KCNQ5: variants seen among roughly 807,000 people sequenced by gnomAD.
The protein encoded by KCNQ5 is potassium voltage-gated channel subfamily Q member 5, also known as potassium voltage-gated channel subfamily KQT member 5.
A neutral mutation model predicts 98.2 loss-of-function variants in KCNQ5; 30 were observed. The ratio of observed to expected loss-of-function variants is 0.31; its 90% CI spans 0.23 to 0.41. The LOEUF is 0.41. KCNQ5 is among the 10% of genes least tolerant of loss of function. The probability of loss-of-function intolerance (pLI) is 1.00; values close to 1 mark genes in which losing one functional copy is unlikely to be tolerated. For missense variants in KCNQ5, 835 were observed against 1,182.5 expected (o/e 0.71, Z 4.31); for synonymous variants, 458 against 449.4 (o/e 1.02, Z -0.24).
At chr6:73,047,348 T>A (rs1170181605) in intron 3 of KCNQ5, among the ~76,000 whole-genome samples, 5 of 152,252 alleles carry the variant, frequency 3.3e-5, no homozygotes, top group Non-Finnish European at 7.3e-5. Context: ...CTTACTTACC[T>A]GTATCAAACT....
chr6:73,038,683 A>G (rs1377610922), intron 2 of KCNQ5, among the ~76,000 whole-genome samples: 1 of 152,050 alleles, frequency 6.6e-6, no homozygotes, highest in Non-Finnish European at 1.5e-5. Context: ...CCATTGAGCT[A>G]GCCTTGCATA....
intron 1 of KCNQ5, among the ~76,000 whole-genome samples, chr6:72,982,226 C>T (rs752295218): frequency 6.6e-6 from 1 of 152,120 alleles, no homozygotes; most frequent in Non-Finnish European, 1.5e-5. Flanking sequence ...CCTTCTGTCT[C>T]GTTATCTGTC....
intron 1 of KCNQ5, among the ~76,000 whole-genome samples, chr6:72,886,640 C>T (rs957061400): frequency 1.3e-5 from 2 of 152,090 alleles, no homozygotes; most frequent in Non-Finnish European, 2.9e-5. Context: ...TATAGACAAA[C>T]TGTAGAACAC....
intron 5 of KCNQ5, among the ~76,000 whole-genome samples, chr6:73,085,343 A>G (rs891789764): frequency 1.6e-4 from 25 of 152,248 alleles, no homozygotes; most frequent in East Asian, 5.8e-4. Flanking sequence ...CCAGGCAAAA[A>G]ACGAGGGAAA....
intron 7 of KCNQ5, among the ~76,000 whole-genome samples, chr6:73,112,038 A>G (rs573338624): frequency 1.3e-5 from 2 of 152,308 alleles, no homozygotes; most frequent in African/African-American, 2.4e-5. Flanking sequence ...CTAACTCAGG[A>G]TTAGCTTCAG....
intron 2 of KCNQ5, among the ~76,000 whole-genome samples, chr6:73,037,321 T>C (rs1158722530): frequency 6.6e-6 from 1 of 152,176 alleles, no homozygotes; most frequent in Non-Finnish European, 1.5e-5. Context: ...ATGGCTTGTC[T>C]TTTCATCCTT....
At chr6:72,624,498 G>C (rs1169671854) in intron 1 of KCNQ5, among the ~76,000 whole-genome samples, 1 of 152,166 alleles carries the variant, frequency 6.6e-6, no homozygotes, top group Non-Finnish European at 1.5e-5. Flanking sequence ...ACATGAATGA[G>C]AACTTGCAAC....
intron 1 of KCNQ5, among the ~76,000 whole-genome samples, chr6:72,623,151 C>G (rs2154471280): frequency 6.6e-6 from 1 of 152,270 alleles, no homozygotes; most frequent in South Asian, 2.1e-4. Flanking sequence ...ACCCAGCCAC[C>G]ACCAACGGAA....
intron 1 of KCNQ5, among the ~76,000 whole-genome samples, chr6:72,827,670 T>G (rs1236575899): frequency 3.9e-5 from 6 of 152,158 alleles, no homozygotes; most frequent in African/African-American, 1.4e-4. Context: ...TTTCTTCCAT[T>G]CTATAAGTTG....
intron 1 of KCNQ5, among the ~76,000 whole-genome samples, chr6:72,972,233 A>C (rs1256491698): frequency 6.6e-6 from 1 of 152,208 alleles, no homozygotes; most frequent in Non-Finnish European, 1.5e-5. Flanking sequence ...CCCTTTCAGA[A>C]ATCTAATATG....
chr6:72,793,546 TA>T (rs1187902021), intron 1 of KCNQ5, among the ~76,000 whole-genome samples: 1 of 152,222 alleles, frequency 6.6e-6, no homozygotes, highest in East Asian at 1.9e-4. Context: ...TTTTTCCCCT[TA>T]TATTATGGGG....
intron 2 of KCNQ5, among the ~76,000 whole-genome samples, chr6:73,040,725 G>C (rs1187327747): frequency 6.6e-6 from 1 of 152,166 alleles, no homozygotes; most frequent in African/African-American, 2.4e-5. Context: ...TGCAAAATAA[G>C]AGAAGGATAG....
At chr6:72,898,338 G>A (rs1010926450) in intron 1 of KCNQ5, among the ~76,000 whole-genome samples, 56 of 151,910 alleles carry the variant, frequency 3.7e-4, no homozygotes, top group African/African-American at 1.3e-3. Flanking sequence ...CCCACCCCCG[G>A]CTATAGGCCC....
chr6:73,117,682 T>C (rs1775563305), intron 7 of KCNQ5, among the ~76,000 whole-genome samples: 1 of 152,332 alleles, frequency 6.6e-6, no homozygotes, highest in South Asian at 2.1e-4. Context: ...AAATCATATA[T>C]GTGTGACATC....
At chr6:72,843,356 A>G (rs1485169755) in intron 1 of KCNQ5, among the ~76,000 whole-genome samples, 1 of 152,112 alleles carries the variant, frequency 6.6e-6, no homozygotes, top group South Asian at 2.1e-4. Flanking sequence ...CTGTTTTGGT[A>G]TCAGTACCAT....
intron 3 of KCNQ5, among the ~76,000 whole-genome samples, chr6:73,044,090 A>G (rs1383123669): frequency 2.0e-5 from 3 of 152,104 alleles, no homozygotes; most frequent in East Asian, 1.9e-4. Flanking sequence ...GTTTAAGACC[A>G]GCCTGGGATG....
intron 6 of KCNQ5, among the ~76,000 whole-genome samples, chr6:73,109,894 T>C (rs531246523): frequency 4.6e-5 from 7 of 152,340 alleles, no homozygotes; most frequent in Non-Finnish European, 8.8e-5. Context: ...CTGCGTATTT[T>C]AAACATGATT....
At chr6:72,970,180 G>C (rs1767811951) in intron 1 of KCNQ5, among the ~76,000 whole-genome samples, 1 of 152,202 alleles carries the variant, frequency 6.6e-6, no homozygotes, top group African/African-American at 2.4e-5. Context: ...GATCACTTGA[G>C]CCCAGGAGTT....
At chr6:73,071,745 CAA>C (rs1773309591) in intron 3 of KCNQ5, among the ~76,000 whole-genome samples, 1 of 152,092 alleles carries the variant, frequency 6.6e-6, no homozygotes, top group South Asian at 2.1e-4. Flanking sequence ...AGGACGGTAC[CAA>C]GCCATTCATG....
Sources: gnomAD v4.1 joint callset for allele counts (sites outside exome capture counted in the v4.1 genomes callset) on GRCh38, gnomAD v4.1.1 for gene constraint, MANE v1.5 for transcripts, NCBI Gene and HGNC (gene_info 2026-07-23, HGNC 2026-07-21) for gene names.